Variants in LOC400499 observed in about 807,000 individuals in gnomAD.
the LOC400499 span, among the ~76,000 whole-genome samples, chr16:11,404,100 G>C: frequency 6.6e-6 from 1 of 152,106 alleles, no homozygotes; most frequent in Admixed American, 6.5e-5. Context: ...TCATCCTTCA[G>C]AACTCAGTTC....
At chr16:11,389,142 C>T in the LOC400499 span, among the ~76,000 whole-genome samples, 1 of 152,188 alleles carries the variant, frequency 6.6e-6, no homozygotes, top group South Asian at 2.1e-4. Flanking sequence ...CAGTAGTGAC[C>T]CCCACCTGGA....
chr16:11,377,655 C>T, the LOC400499 span, among the ~76,000 whole-genome samples: 6 of 152,196 alleles, frequency 3.9e-5, no homozygotes, highest in Non-Finnish European at 5.9e-5. Context: ...GAATAAATCT[C>T]ACTTGATCAT....
At chr16:11,486,058 G>A in the LOC400499 span, among the ~76,000 whole-genome samples, 2 of 151,794 alleles carry the variant, frequency 1.3e-5, no homozygotes, top group South Asian at 2.1e-4. Context: ...ATAGATGGAT[G>A]GATGTATGGA....
the LOC400499 span, chr16:11,469,242 G>C: frequency 5.0e-6 from 2 of 399,270 alleles, no homozygotes; most frequent in Middle Eastern, 6.2e-4. Context: ...ACTCCCAAGA[G>C]CCTCCATCTT....
chr16:11,524,271 T>C, the LOC400499 span, among the ~76,000 whole-genome samples: 1 of 113,636 alleles, frequency 8.8e-6, no homozygotes, highest in African/African-American at 3.4e-5. Context: ...CCACTCCCTC[T>C]CCTATCCATC....
At chr16:11,471,909 CCTCTT>C in the LOC400499 span, 1 of 398,488 alleles carries the variant, frequency 2.5e-6, no homozygotes, top group Non-Finnish European at 4.4e-6. Context: ...AGCAAAGAAA[CCTCTT>C]CTCTAATTTC....
chr16:11,423,305 G>A, the LOC400499 span: 1 of 398,128 alleles, frequency 2.5e-6, no homozygotes. Context: ...CCTGACCCCA[G>A]AGTGAACCGT....
chr16:11,495,525 C>T, the LOC400499 span, among the ~76,000 whole-genome samples: 3 of 151,852 alleles, frequency 2.0e-5, no homozygotes, highest in Non-Finnish European at 2.9e-5. Flanking sequence ...AGATTACAGA[C>T]ACGTGCCACC....
chr16:11,424,820 G>C, the LOC400499 span, among the ~76,000 whole-genome samples: 2 of 152,170 alleles, frequency 1.3e-5, no homozygotes, highest in Non-Finnish European at 2.9e-5. Flanking sequence ...GCTAGGCCAG[G>C]TATCCACGCT....
At chr16:11,402,246 G>A in the LOC400499 span, 1 of 398,624 alleles carries the variant, frequency 2.5e-6, no homozygotes. Context: ...GGACTCAACT[G>A]ACGCCACTGC....
At chr16:11,409,059 A>C in the LOC400499 span, among the ~76,000 whole-genome samples, 2 of 151,576 alleles carry the variant, frequency 1.3e-5, no homozygotes, top group African/African-American at 4.9e-5. Flanking sequence ...TCAGGAGTTC[A>C]AGACCAGCCC....
chr16:11,386,866 G>A, the LOC400499 span, among the ~76,000 whole-genome samples: 12 of 152,254 alleles, frequency 7.9e-5, no homozygotes, highest in Non-Finnish European at 1.5e-4. Flanking sequence ...TTCTCCAGCA[G>A]TGCCCGCAGG....
At chr16:11,474,540 C>T in the LOC400499 span, among the ~76,000 whole-genome samples, 1 of 152,186 alleles carries the variant, frequency 6.6e-6, no homozygotes, top group African/African-American at 2.4e-5. Flanking sequence ...ATTACAGAAG[C>T]ATTATCATTG....
At chr16:11,444,029 T>TG in the LOC400499 span, among the ~76,000 whole-genome samples, 1 of 152,046 alleles carries the variant, frequency 6.6e-6, no homozygotes, top group Non-Finnish European at 1.5e-5. Context: ...TTAGTAGAGA[T>TG]GGGGTTTTAC....
chr16:11,500,850 A>G, the LOC400499 span: 1 of 399,214 alleles, frequency 2.5e-6, no homozygotes, highest in Non-Finnish European at 4.4e-6. Flanking sequence ...GAGGAAGGCC[A>G]GTGATGAGAG....
the LOC400499 span, chr16:11,477,709 T>G: frequency 7.6e-6 from 3 of 396,268 alleles, no homozygotes; most frequent in Admixed American, 1.3e-4. Context: ...ACAGGTGTTC[T>G]GCAGAATAGG....
chr16:11,375,732 A>ATTTTTT, the LOC400499 span, among the ~76,000 whole-genome samples: 29,622 of 130,038 alleles, frequency 0.23, 3,989 homozygotes, highest in Non-Finnish European at 0.25. Context: ...TCCTTTGTAC[A>ATTTTTT]TTTTTTTTTT....
At chr16:11,424,445 C>A in the LOC400499 span, 1 of 398,714 alleles carries the variant, frequency 2.5e-6, no homozygotes, top group Middle Eastern at 6.3e-4. Flanking sequence ...GGGGGCCTGG[C>A]CAGCACACCT....
At chr16:11,416,452 C>G in the LOC400499 span, among the ~76,000 whole-genome samples, 1 of 152,192 alleles carries the variant, frequency 6.6e-6, no homozygotes, top group African/African-American at 2.4e-5. Flanking sequence ...CATTCCTCAT[C>G]TGCAGAATGG....
Sources: allele counts gnomAD v4.1 joint callset (sites outside exome capture counted in the v4.1 genomes callset), GRCh38; gene constraint gnomAD v4.1.1; transcripts MANE v1.5.